MICAL2: variants seen among roughly 807,000 people sequenced by gnomAD.
MICAL2 encodes the protein [F-actin]-monooxygenase MICAL2.
In MICAL2, 77 loss-of-function variants were observed where a neutral mutation model predicts 127.3. That is an observed-to-expected ratio of 0.60 (90% confidence interval 0.50 to 0.73). The LOEUF is 0.73. MICAL2 is among the 30% of genes least tolerant of loss of function. The pLI is 0.00. For synonymous variants in MICAL2, 570 were observed against 551.1 expected, an observed-to-expected ratio of 1.03 and a Z score of -0.48; for missense variants, 1,351 against 1,434.4, an observed-to-expected ratio of 0.94 and a Z score of 0.94.
chr11:12,233,153 G>A lies in MICAL2; in HGVS notation c.1996-3024G>A, dbSNP rs564858681. Among the ~76,000 whole-genome samples, 5 of 152,268 alleles carry A rather than the reference G, an allele frequency of 3.3e-5. 1 individual carries two copies. Among genetic ancestry groups the A allele is most frequent in the South Asian group, 4.1e-4 (2 of 4,826 alleles). On this transcript the variant is annotated intron_variant, in intron 15 of 27. Coordinates refer to ENST00000683283, the MANE Select transcript of MICAL2 (RefSeq NM_001282663.2). The stretch of plus-strand genomic sequence containing the variant: ...ATGAGGGGAGACTACTGTCTAGCAC[G>A]TTATAGTTTAAGAAGTGTTTTACAT...
chr11:12,337,047 C>A (rs1938776569), intron 32 of MICAL2, among the ~76,000 whole-genome samples: 1 of 152,172 alleles, frequency 6.6e-6, no homozygotes, highest in Non-Finnish European at 1.5e-5. Context: ...CCTCCTTGTA[C>A]CTCTGGTAGA....
At chr11:12,224,369 A>C in intron 12 of MICAL2, 1 of 325,666 alleles carries the variant, frequency 3.1e-6, no homozygotes, top group Non-Finnish European at 5.8e-6. Context: ...TGTCATCATC[A>C]CCCCCTCTGT....
chr11:12,352,136 A>T (rs1374628494), intron 33 of MICAL2, among the ~76,000 whole-genome samples: 1 of 152,206 alleles, frequency 6.6e-6, no homozygotes, highest in African/African-American at 2.4e-5. Context: ...CAGGGCAACT[A>T]AGTAATTTGT....
rs562209817 is a variant in MICAL2, at chr11:12,259,491, G to A, written c.3232-304G>A. ...TTTTTATCTTACAAATGTTTTTACA[G>A]TGTATGCTAGTATGCATGTTGTTAT... On this transcript the variant is annotated intron_variant, in intron 25 of 27. Transcript: ENST00000683283. 1.2e-3 allele frequency among the ~76,000 whole-genome samples: 176 copies of A among 152,308 alleles called. 1 individual carries two copies. The highest frequency in any genetic ancestry group is 4.1e-3 in the African/African-American group (170 of 41,568).
At chr11:12,123,471 A>C (rs569954989) in intron 1 of MICAL2, among the ~76,000 whole-genome samples, 1 of 152,176 alleles carries the variant, frequency 6.6e-6, no homozygotes, top group African/African-American at 2.4e-5. Flanking sequence ...GAAGGCATCA[A>C]TGAAAGTTTT....
intron 22 of MICAL2, among the ~76,000 whole-genome samples, chr11:12,252,208 G>A (rs1040417652): frequency 1.3e-5 from 2 of 152,222 alleles, no homozygotes; most frequent in Admixed American, 6.5e-5. Context: ...ATGGCTTATT[G>A]TCCTGAGCTG....
chr11:12,226,327 C>T lies in MICAL2; in HGVS notation c.1845C>T (p.Ser615=), dbSNP rs1310713446. The change falls in exon 14 of 28, where the codon TCC becomes TCT. Residue 615 remains serine, a synonymous_variant. Transcript: ENST00000683283. ...AGCTCAGCATGGTCATGTACCTCTCCAAGTTCTACGAGCTCTTCCGGGGCA... is the reference window on the plus strand; with the variant it reads ...AGCTCAGCATGGTCATGTACCTCTCTAAGTTCTACGAGCTCTTCCGGGGCA... ...PDKLSMVMYL[S]KFYELFRGTP... is the part of the protein sequence containing the mutation. The T allele has an allele frequency of 6.2e-7, 1 of 1,614,120 alleles. No homozygotes were observed. Among genetic ancestry groups the T allele is most frequent in the Non-Finnish European group, 8.5e-7 (1 of 1,179,990 alleles).
chr11:12,291,600 A>T (rs1229477208), downstream of MICAL2, among the ~76,000 whole-genome samples: 2 of 151,740 alleles, frequency 1.3e-5, no homozygotes, highest in Non-Finnish European at 2.9e-5. Context: ...ACTCACTGTA[A>T]CCTCCCTCTC....
At chr11:12,251,042 G>C (rs922913151) in intron 22 of MICAL2, among the ~76,000 whole-genome samples, 3 of 152,192 alleles carry the variant, frequency 2.0e-5, no homozygotes, top group Non-Finnish European at 4.4e-5. Flanking sequence ...GGACTGGGCT[G>C]TAATCCCATG....
At chr11:12,241,305 AG>A in intron 18 of MICAL2, 143 bp downstream of exon 18, 1 of 1,058,190 alleles carries the variant, frequency 9.5e-7, no homozygotes, top group Non-Finnish European at 1.3e-6. Context: ...CCACACTTAT[AG>A]GTAAGAATAA....
intron 3 of MICAL2, among the ~76,000 whole-genome samples, chr11:12,180,988 C>T (rs1414157900): frequency 4.8e-5 from 6 of 125,916 alleles, no homozygotes; most frequent in East Asian, 4.4e-4. Flanking sequence ...AGTGAAATGG[C>T]GTGATCTCAG....
intron 2 of MICAL2, among the ~76,000 whole-genome samples, chr11:12,156,854 G>A (rs540802973): frequency 6.6e-6 from 1 of 152,360 alleles, no homozygotes; most frequent in Admixed American, 6.5e-5. Context: ...AGTTAGAGCT[G>A]GAGCTTTTAG....
At chr11:12,268,377 G>C (rs1291692808), downstream of MICAL2, among the ~76,000 whole-genome samples, 1 of 152,220 alleles carries the variant, frequency 6.6e-6, no homozygotes, top group Non-Finnish European at 1.5e-5. Context: ...AGCAGTTCCA[G>C]CAGCATCCCT....
intron 29 of MICAL2, among the ~76,000 whole-genome samples, chr11:12,317,612 C>T (rs562516271): frequency 3.3e-5 from 5 of 152,004 alleles, no homozygotes; most frequent in African/African-American, 4.8e-5. Flanking sequence ...GCCAACATGG[C>T]GAAACTCCAT....
At position 12,218,025 on chromosome 11, in the gene MICAL2, A is replaced by G. The variant is rs114338969; in HGVS notation, c.948+1706A>G. ...TTTCTGTTTTCCTCTCCCTACATGG[A>G]TCCATATCTTCCTATAGCCACACAG... On this transcript the variant is annotated intron_variant, in intron 8 of 27. Transcript: ENST00000683283. Among the ~76,000 whole-genome samples, 794 of 152,294 alleles carry G rather than the reference A, an allele frequency of 5.2e-3. 7 individuals carry two copies. The highest frequency in any genetic ancestry group is 0.012 in the African/African-American group (516 of 41,570).
At chr11:12,332,175 G>C (rs1044548286) in intron 32 of MICAL2, among the ~76,000 whole-genome samples, 2 of 152,192 alleles carry the variant, frequency 1.3e-5, no homozygotes, top group Non-Finnish European at 2.9e-5. Flanking sequence ...ATTTGGGAAT[G>C]GGTTTTAGGA....
At chr11:12,147,377 A>C (rs184942140) in intron 2 of MICAL2, among the ~76,000 whole-genome samples, 15 of 152,334 alleles carry the variant, frequency 9.8e-5, no homozygotes, top group Admixed American at 8.5e-4. Context: ...CCATGTTGGC[A>C]CTGGAATTAC....
chr11:12,142,802 TGCCCACAAGG>T (rs1225659980), intron 2 of MICAL2, among the ~76,000 whole-genome samples: 1 of 152,268 alleles, frequency 6.6e-6, no homozygotes, highest in Non-Finnish European at 1.5e-5. Context: ...AACTTGTCCA[TGCCCACAAGG>T]GCCAGGACTC....
chr11:12,244,219 A>C (rs1013843643), intron 21 of MICAL2, 107 bp downstream of exon 21: 18 of 1,474,298 alleles, frequency 1.2e-5, no homozygotes, highest in Non-Finnish European at 1.6e-5. Flanking sequence ...GGCTGGAATA[A>C]AAATTTGTAA....
Sources: allele counts gnomAD v4.1 joint callset (sites outside exome capture counted in the v4.1 genomes callset), GRCh38; gene constraint gnomAD v4.1.1; transcripts MANE v1.5; gene names NCBI Gene and HGNC (gene_info 2026-07-23, HGNC 2026-07-21).